GBP5: variants seen among roughly 807,000 people sequenced by gnomAD.
GBP5 encodes the protein guanylate binding protein 5.
GBP5 carries 48 observed loss-of-function variants against 58.2 expected under a neutral mutation model. The ratio of observed to expected loss-of-function variants is 0.83; its 90% CI spans 0.65 to 1.05. The LOEUF (loss-of-function observed/expected upper bound fraction) is 1.05. GBP5 is among the 50% of genes least tolerant of loss of function. The probability of loss-of-function intolerance (pLI) is 0.00; values close to 1 mark genes in which losing one functional copy is unlikely to be tolerated. For missense variants in GBP5, 714 were observed against 686.8 expected (o/e 1.04, Z -0.44); for synonymous variants, 248 against 251.8 (o/e 0.98, Z 0.14).
rs267598757 is a variant in GBP5, at chr1:89,266,386, C to T, written c.828G>A (p.Met276Ile). 6.2e-7 allele frequency: 1 copy of T among 1,613,718 alleles called. No homozygotes were observed. Among genetic ancestry groups the T allele is most frequent in the Non-Finnish European group, 8.5e-7 (1 of 1,179,624 alleles). ...TGATGCCACCTGGAAGAGTCTTGGT[C>T]ATAGAATGGCTAAAGATGTAGGAAC... ...EFCSYIFSHS[M>I]TKTLPGGIMV... Residue 276 changes from methionine to isoleucine, a missense_variant, in exon 7 of 12, where the codon ATG (methionine) becomes ATA (isoleucine). Physicochemically the swap from Met to Ile is conservative, Grantham distance 10. Coordinates refer to ENST00000370459, the MANE Select transcript of GBP5 (RefSeq NM_052942.5).
In GBP5 at chr1:89,264,728, GT is replaced by G; in HGVS notation, c.1106del (p.Asn369ThrfsTer6). On this transcript the variant is annotated frameshift_variant, in exon 8 of 12. Coordinates refer to ENST00000370459, the MANE Select transcript of GBP5 (RefSeq NM_052942.5). LOFTEE classifies it high-confidence loss of function. ...AACTTTGGTCTACATCCTTGAAAGAGTTTTTCATGAAGACTTCAATGGCCTC... is the reference window on the plus strand; with the variant it reads ...AACTTTGGTCTACATCCTTGAAAGAGTTTTCATGAAGACTTCAATGGCCTC... ...EREAIEVFMK[N>X]SFKDVDQSFQ... 1 of 1,614,186 alleles carries G rather than the reference GT, an allele frequency of 6.2e-7. No individual in the cohort carries two copies.
At chr1:89,267,738 T>C (rs1650284418) in intron 4 of GBP5, among the ~76,000 whole-genome samples, 1 of 152,178 alleles carries the variant, frequency 6.6e-6, no homozygotes, top group Non-Finnish European at 1.5e-5. Flanking sequence ...GCAAAACGGA[T>C]AGTTAAAATT....
chr1:89,270,893 C>T (rs1056477540), intron 1 of GBP5, 31 bp from the exon 2 acceptor site: 1 of 152,112 alleles, frequency 6.6e-6, no homozygotes, highest in Admixed American at 6.5e-5. Context: ...TAAGCCAAAT[C>T]TATAAGCAGA....
rs549115732 is a variant in GBP5 at position 89,272,858 on chromosome 1, A to C, written c.-534T>G. ...GTTCCACAGCCTGGAGGGTGACCTCAGTGGGTTGCCACTGCTGGCTACTTC... is the reference window on the plus strand; with the variant it reads ...GTTCCACAGCCTGGAGGGTGACCTCCGTGGGTTGCCACTGCTGGCTACTTC... On this transcript the variant is annotated 5_prime_UTR_variant, in exon 1 of 12. Transcript: ENST00000370459. 23 of 152,734 alleles carry C rather than the reference A, an allele frequency of 1.5e-4. No homozygotes were observed. The highest frequency in any genetic ancestry group is 5.5e-4 in the African/African-American group (23 of 41,592). The allele number at this position is 152,734 out of a possible 1,614,324, so 9.5% of individuals were successfully genotyped here.
intron 4 of GBP5, among the ~76,000 whole-genome samples, chr1:89,268,095 AAATTGTGTGC>A (rs1317805049): frequency 6.6e-6 from 1 of 152,252 alleles, no homozygotes; most frequent in East Asian, 1.9e-4. Flanking sequence ...TCATGACAGC[AAATTGTGTGC>A]ATGTCTTCCC....
In GBP5 at chr1:89,266,663, C is replaced by T. The variant is rs1650233285; in HGVS notation, c.626-75G>A. On this transcript the variant is annotated intron_variant, in intron 6 of 11. Coordinates refer to ENST00000370459, the MANE Select transcript of GBP5 (RefSeq NM_052942.5). ...TCATTTATTTACCTTGAATAAATGT[C>T]CTTCCACCTGATGTCACTTAGATTA... 13 of 1,307,658 alleles carry T rather than the reference C, an allele frequency of 9.9e-6. No homozygotes were observed. In the South Asian group the frequency reaches 1.8e-4, roughly 18 times the overall value. 81.0% of individuals were successfully genotyped at this position (1,307,658 alleles called of 1,614,324 possible).
chr1:89,267,822 A>G (rs746153808), intron 4 of GBP5, among the ~76,000 whole-genome samples: 4 of 152,206 alleles, frequency 2.6e-5, no homozygotes, highest in East Asian at 1.9e-4. Context: ...TACCCAGTAC[A>G]TATACCTATT....
chr1:89,262,022 G>A (rs1650021241), intron 11 of GBP5, 198 bp downstream of exon 11: 3 of 570,466 alleles, frequency 5.3e-6, no homozygotes. Flanking sequence ...TACACAAGAG[G>A]AAAATTAGGC....
Position 89,270,313 on chromosome 1 carries a change from T to TA in GBP5, c.-20+441dup, listed in dbSNP as rs1256356263. On this transcript the variant is annotated intron_variant, in intron 2 of 11. Transcript: ENST00000370459. ...GCTATATGAGAAAAAGCAAATGCCA[T>TA]AAAAATATGCTTTTCTACTTTGCCT... is the stretch of plus-strand genomic sequence containing the variant. 2.6e-5 allele frequency: 4 copies of TA among 152,202 alleles called. No individual in the cohort carries two copies. In the East Asian group the frequency reaches 5.8e-4, roughly 22 times the overall value. 9.4% of individuals were successfully genotyped at this position (152,202 alleles called of 1,614,324 possible).
chr1:89,262,829 T>C, intron 9 of GBP5, 44 bp from the exon 10 acceptor site: 1 of 1,119,474 alleles, frequency 8.9e-7, no homozygotes, highest in Non-Finnish European at 1.3e-6. Flanking sequence ...GAAATGGTGA[T>C]TAGGAATGTT....
chr1:89,265,082 T>C (rs1273535978), intron 7 of GBP5, 116 bp from the exon 8 acceptor site: 6 of 995,262 alleles, frequency 6.0e-6, no homozygotes, highest in Non-Finnish European at 8.9e-6. Flanking sequence ...TTTAGCATTA[T>C]GGACAGTAGT....
Position 89,260,646 on chromosome 1 carries a change from T to C in GBP5, c.*58A>G. 1 of 1,029,562 alleles carries C rather than the reference T, an allele frequency of 9.7e-7. No homozygotes were observed. The highest frequency in any genetic ancestry group is 2.4e-5 in the East Asian group (1 of 42,120). The allele number at this position is 1,029,562 out of a possible 1,614,324, so 63.8% of individuals were successfully genotyped here. On this transcript the variant is annotated 3_prime_UTR_variant, in exon 12 of 12. Coordinates refer to ENST00000370459, the MANE Select transcript of GBP5 (RefSeq NM_052942.5). Reference sequence around the variant, plus strand: ...GATTGTCCCAAGGTCTACAGTTTCTTTTCTGTTGTGTCATCAGTGACAAAG... The same window carrying C: ...GATTGTCCCAAGGTCTACAGTTTCTCTTCTGTTGTGTCATCAGTGACAAAG...
In GBP5 at chr1:89,268,875, G is replaced by T; in HGVS notation, c.191-19C>A. On this transcript the variant is annotated intron_variant, in intron 3 of 11. Coordinates refer to ENST00000370459, the MANE Select transcript of GBP5 (RefSeq NM_052942.5). ...GAGAAGCCTGTCAGGGGGAGTGAGAGGTTGTAATAGAAGAGAAACTCTGGA... is the reference window on the plus strand; with the variant it reads ...GAGAAGCCTGTCAGGGGGAGTGAGATGTTGTAATAGAAGAGAAACTCTGGA... 1 of 1,608,398 alleles carries T rather than the reference G, an allele frequency of 6.2e-7. No individual in the cohort carries two copies. Among genetic ancestry groups the T allele is most frequent in the South Asian group, 1.1e-5 (1 of 90,206 alleles).
At position 89,266,374 on chromosome 1, in the gene GBP5, AAG is replaced by A; in HGVS notation, c.838_839del (p.Leu280SerfsTer54). On this transcript the variant is annotated frameshift_variant, in exon 7 of 12. Coordinates refer to ENST00000370459, the MANE Select transcript of GBP5 (RefSeq NM_052942.5). LOFTEE classifies it high-confidence loss of function. ...ATCCATTGACCATGATGCCACCTGG[AAG>A]AGTCTTGGTCATAGAATGGCTAAAG... ...YIFSHSMTKT[L>X]PGGIMVNGSR... 6.2e-7 allele frequency: 1 copy of A among 1,613,334 alleles called. No individual in the cohort carries two copies. The highest frequency in any genetic ancestry group is 8.5e-7 in the Non-Finnish European group (1 of 1,179,220).
rs376756027 is a variant in GBP5 at position 89,257,179 on chromosome 1, T to C, written c.*3525A>G. Among the ~76,000 whole-genome samples, 5 of 152,288 alleles carry C rather than the reference T, an allele frequency of 3.3e-5. No individual in the cohort carries two copies. In the South Asian group the frequency reaches 6.2e-4, roughly 19 times the overall value. On this transcript the variant is annotated 3_prime_UTR_variant, in exon 12 of 12. Transcript: ENST00000370459. ...AAAAGAGATGTAATGGACTTGTAGT[T>C]TCACATGGGTGGGGAGGCCTCACAA...
At position 89,258,954 on chromosome 1, in the gene GBP5, T is replaced by A. The variant is rs1483836875; in HGVS notation, c.*1750A>T. 6.6e-6 allele frequency: 1 copy of A among 152,164 alleles called. No homozygotes were observed. The highest frequency in any genetic ancestry group is 1.5e-5 in the Non-Finnish European group (1 of 68,006). 9.4% of individuals were successfully genotyped at this position (152,164 alleles called of 1,614,324 possible). A position where few individuals can be genotyped will look rare whatever the true frequency, so the allele number is the denominator to read the frequency against. On this transcript the variant is annotated 3_prime_UTR_variant, in exon 12 of 12. Coordinates refer to ENST00000370459, the MANE Select transcript of GBP5 (RefSeq NM_052942.5). ...AAATACAAACAAAGGAACTGATTTA[T>A]GGTTTTCCAAAAATGTTTTTATGGT...
intron 4 of GBP5, among the ~76,000 whole-genome samples, chr1:89,268,440 A>G (rs1404370749): frequency 6.6e-6 from 1 of 152,244 alleles, no homozygotes; most frequent in Non-Finnish European, 1.5e-5. Context: ...ATTAACTAGT[A>G]TAATCTACAG....
chr1:89,264,918 T>C lies in GBP5; in HGVS notation c.917A>G (p.Asp306Gly). 1 of 1,614,200 alleles carries C rather than the reference T, an allele frequency of 6.2e-7. No homozygotes were observed. Among genetic ancestry groups the C allele is most frequent in the Non-Finnish European group, 8.5e-7 (1 of 1,180,016 alleles). ...GACTGCATTCTCTATGCAAGGCAGA[T>C]CCCCACTGCTGATGGCATTGACATA... ...LTYVNAISSGDLPCIENAVLA... is the reference protein window; with the variant it reads ...LTYVNAISSGGLPCIENAVLA... Residue 306 changes from aspartate to glycine, a missense_variant, in exon 8 of 12, where the codon GAT (aspartate) becomes GGT (glycine). Transcript: ENST00000370459.
In GBP5 at chr1:89,265,749, A is replaced by T. The variant is rs1261389695; in HGVS notation, c.868+597T>A. On this transcript the variant is annotated intron_variant, in intron 7 of 11. Coordinates refer to ENST00000370459, the MANE Select transcript of GBP5 (RefSeq NM_052942.5). ...CCTCAAAAAAAAAAAAAAAAAAAAA[A>T]AAGTGCAAAGTAAGCAATTTAAACC... Among the ~76,000 whole-genome samples the T allele has an allele frequency of 4.6e-5, 7 of 151,352 alleles. 1 individual carries two copies. Among genetic ancestry groups the T allele is most frequent in the Admixed American group, 4.6e-4 (7 of 15,216 alleles).
Sources: allele counts gnomAD v4.1 joint callset (sites outside exome capture counted in the v4.1 genomes callset), GRCh38; gene constraint gnomAD v4.1.1; transcripts MANE v1.5; gene names NCBI Gene and HGNC (gene_info 2026-07-23, HGNC 2026-07-21).